Variants in AGPAT1 observed in about 807,000 individuals in gnomAD.
AGPAT1 encodes 1-acyl-sn-glycerol-3-phosphate acyltransferase alpha.
Under a neutral mutation model 31.2 loss-of-function variants are expected in AGPAT1, and 6 were observed. That is an observed-to-expected ratio of 0.19 (90% CI 0.11 to 0.38). The LOEUF (loss-of-function observed/expected upper bound fraction) is 0.38, where lower values mean the gene tolerates loss of function less well. AGPAT1 is among the 10% of genes least tolerant of loss of function. The pLI is 1.00. For missense variants in AGPAT1, 187 were observed against 377.8 expected, an observed-to-expected ratio of 0.49 and a Z score of 4.19; for synonymous variants, 139 against 154.0, an observed-to-expected ratio of 0.90 and a Z score of 0.72.
In AGPAT1 at chr6:32,174,153, C is replaced by G. The variant is rs1785334486; in HGVS notation, c.-10+1661G>C. On this transcript the variant is annotated intron_variant, in intron 1 of 6. Coordinates refer to ENST00000375107, the MANE Select transcript of AGPAT1 (RefSeq NM_006411.4). The surrounding 1 kb of genome is among the most constrained non-coding windows in gnomAD (Gnocchi z 4.5). ...TGTAAGCAGCTTAAGGACAGGGACT[C>G]TGTCTTATCTCCAGTGCCAGGACAA... 6.6e-6 allele frequency among the ~76,000 whole-genome samples: 1 copy of G among 152,206 alleles called. No individual in the cohort carries two copies. Among genetic ancestry groups the G allele is most frequent in the Non-Finnish European group, 1.5e-5 (1 of 68,044 alleles).
Position 32,170,655 on chromosome 6 carries a change from G to A in AGPAT1, c.335-55C>T, listed in dbSNP as rs770198989. 1.3e-6 allele frequency: 2 copies of A among 1,584,652 alleles called. No individual in the cohort carries two copies. The highest frequency in any genetic ancestry group is 1.7e-6 in the Non-Finnish European group (2 of 1,164,484). ...GGGGTGGAGGCAGAGTGTCACAGAA[G>A]GCAACCCACCTCACCCAGCTCATCA... On this transcript the variant is annotated intron_variant, in intron 3 of 6. Coordinates refer to ENST00000375107, the MANE Select transcript of AGPAT1 (RefSeq NM_006411.4). The surrounding 1 kb of genome is among the most constrained non-coding windows in gnomAD (Gnocchi z 7.7).
In AGPAT1 at chr6:32,170,711, A is replaced by G; in HGVS notation, c.335-111T>C. Reference sequence around the variant, plus strand: ...TGGTAGGGACTGGAGGTGAAGGAGGAGACTAGGCAGGGAGGGGGGCCCCAA... The same window carrying G: ...TGGTAGGGACTGGAGGTGAAGGAGGGGACTAGGCAGGGAGGGGGGCCCCAA... On this transcript the variant is annotated intron_variant, in intron 3 of 6. Coordinates refer to ENST00000375107, the MANE Select transcript of AGPAT1 (RefSeq NM_006411.4). The surrounding 1 kb of genome is among the most constrained non-coding windows in gnomAD (Gnocchi z 7.7). The G allele has an allele frequency of 7.0e-7, 1 of 1,422,770 alleles. No individual in the cohort carries two copies. Among genetic ancestry groups the G allele is most frequent in the Non-Finnish European group, 9.7e-7 (1 of 1,026,756 alleles). The allele number at this position is 1,422,770 out of a possible 1,614,324, so 88.1% of individuals were successfully genotyped here.
upstream of AGPAT1, chr6:32,176,504 A>G (rs1785571450): frequency 3.0e-6 from 3 of 985,316 alleles, no homozygotes; most frequent in South Asian, 4.7e-5. Flanking sequence ...TCAAGCATCT[A>G]CCTACCATAT....
chr6:32,174,717 C>G lies in AGPAT1; in HGVS notation c.-10+1097G>C, dbSNP rs1459289657. Among the ~76,000 whole-genome samples the G allele has an allele frequency of 1.3e-5, 2 of 152,054 alleles. No individual in the cohort carries two copies. The highest frequency in any genetic ancestry group is 2.9e-5 in the Non-Finnish European group (2 of 68,004). On this transcript the variant is annotated intron_variant, in intron 1 of 6. Transcript: ENST00000375107. The surrounding 1 kb of genome is among the most constrained non-coding windows in gnomAD (Gnocchi z 4.5). ...GATGGTTCTTTGCAGACCTGGAGAC[C>G]CAGTTACCTTCTTCTCTTAACACTT...
upstream of AGPAT1, chr6:32,176,248 C>T (rs1048430254): frequency 1.4e-6 from 1 of 735,146 alleles, no homozygotes; most frequent in African/African-American, 1.9e-5. Flanking sequence ...AGGGCTCTCC[C>T]TCGGTCTTTG....
Position 32,170,466 on chromosome 6 carries a change from T to G in AGPAT1, c.469A>C (p.Ser157Arg), listed in dbSNP as rs1561845816. 4 of 1,613,026 alleles carry G rather than the reference T, an allele frequency of 2.5e-6. No homozygotes were observed. Among genetic ancestry groups the G allele is most frequent in the Non-Finnish European group, 3.4e-6 (4 of 1,180,042 alleles). ...IDRKRTGDAI[S>R]VMSEVAQTLL... ...GTCTGGGCGACCTCAGACATGACAC[T>G]GATGGCATCCCCCGTGCGCTTCCGG... The change falls in exon 4 of 7, where the codon AGT (serine) becomes CGT (arginine). Residue 157 changes from serine to arginine, a missense_variant. Physicochemically the swap from Ser to Arg is moderately radical, Grantham distance 110. Transcript: ENST00000375107. This position sits in a 1 kb window ranked among gnomAD's most constrained non-coding sequence, Gnocchi z 7.7.
Position 32,170,318 on chromosome 6 carries a change from T to C in AGPAT1, c.511-58A>G. 1 of 1,605,460 alleles carries C rather than the reference T, an allele frequency of 6.2e-7. No homozygotes were observed. Among genetic ancestry groups the C allele is most frequent in the South Asian group, 1.1e-5 (1 of 90,512 alleles). On this transcript the variant is annotated intron_variant, in intron 4 of 6. Transcript: ENST00000375107. This position sits in a 1 kb window ranked among gnomAD's most constrained non-coding sequence, Gnocchi z 7.7. ...ACATATGGAGGAGTCAGAATAGGTG[T>C]GATGTTATAATGGGACCTTTGAGGC...
In AGPAT1 at chr6:32,171,133, C is replaced by T. The variant is rs1379933261; in HGVS notation, c.201-63G>A. 2 of 1,591,364 alleles carry T rather than the reference C, an allele frequency of 1.3e-6. No homozygotes were observed. Among genetic ancestry groups the T allele is most frequent in the African/African-American group, 1.3e-5 (1 of 74,602 alleles). On this transcript the variant is annotated intron_variant, in intron 2 of 6. Coordinates refer to ENST00000375107, the MANE Select transcript of AGPAT1 (RefSeq NM_006411.4). This position sits in a 1 kb window ranked among gnomAD's most constrained non-coding sequence, Gnocchi z 6.9. The stretch of plus-strand genomic sequence containing the variant: ...TGATGTCCATCTGCATGCCTCAGCT[C>T]CCCCCACCTTACTGTCTTTCTGACC...
chr6:32,177,741 T>C (rs1034263008), upstream of AGPAT1: 1 of 152,182 alleles, frequency 6.6e-6, no homozygotes, highest in African/African-American at 2.4e-5. Flanking sequence ...ACCCTAGTGT[T>C]TTCCCTCTTT....
Position 32,173,035 on chromosome 6 carries a change from A to G in AGPAT1, c.-9-1530T>C, listed in dbSNP as rs1785239663. The G allele has an allele frequency of 6.6e-6, 1 of 152,204 alleles. No individual in the cohort carries two copies. Among genetic ancestry groups the G allele is most frequent in the South Asian group, 2.1e-4 (1 of 4,834 alleles). 9.4% of individuals were successfully genotyped at this position (152,204 alleles called of 1,614,324 possible). A position where few individuals can be genotyped will look rare whatever the true frequency, so the allele number is the denominator to read the frequency against. On this transcript the variant is annotated intron_variant, in intron 1 of 6. Coordinates refer to ENST00000375107, the MANE Select transcript of AGPAT1 (RefSeq NM_006411.4). The surrounding 1 kb of genome is among the most constrained non-coding windows in gnomAD (Gnocchi z 4.7). The stretch of plus-strand genomic sequence containing the variant: ...AGTGACACTTTGCGTGGGCAGGTAC[A>G]GTGTGTGAGGCCTCACCAAGTGAAA...
Position 32,169,905 on chromosome 6 carries a change from C to T in AGPAT1, c.679+61G>A, listed in dbSNP as rs1784911968. 1.4e-6 allele frequency: 2 copies of T among 1,458,204 alleles called. No individual in the cohort carries two copies. Among genetic ancestry groups the T allele is most frequent in the African/African-American group, 1.4e-5 (1 of 71,772 alleles). The allele number at this position is 1,458,204 out of a possible 1,614,324, so 90.3% of individuals were successfully genotyped here. ...GACACTGAATGATCCCCCTGCCTCACAGGGATGTCCTCCCAGCCTCTCCGG... is the reference window on the plus strand; with the variant it reads ...GACACTGAATGATCCCCCTGCCTCATAGGGATGTCCTCCCAGCCTCTCCGG... On this transcript the variant is annotated intron_variant, in intron 6 of 6. Transcript: ENST00000375107. This position sits in a 1 kb window ranked among gnomAD's most constrained non-coding sequence, Gnocchi z 5.9.
Position 32,170,669 on chromosome 6 carries a change from C to G in AGPAT1, c.335-69G>C. 1 of 1,553,134 alleles carries G rather than the reference C, an allele frequency of 6.4e-7. No individual in the cohort carries two copies. Among genetic ancestry groups the G allele is most frequent in the Non-Finnish European group, 8.8e-7 (1 of 1,138,500 alleles). ...GTGTCACAGAAGGCAACCCACCTCACCCAGCTCATCACCCTCTGGTAGGGA... is the reference window on the plus strand; with the variant it reads ...GTGTCACAGAAGGCAACCCACCTCAGCCAGCTCATCACCCTCTGGTAGGGA... On this transcript the variant is annotated intron_variant, in intron 3 of 6. Transcript: ENST00000375107. This position sits in a 1 kb window ranked among gnomAD's most constrained non-coding sequence, Gnocchi z 7.7.
Position 32,171,155 on chromosome 6 carries a change from G to T in AGPAT1, c.201-85C>A. 1 of 1,586,760 alleles carries T rather than the reference G, an allele frequency of 6.3e-7. No individual in the cohort carries two copies. Among genetic ancestry groups the T allele is most frequent in the South Asian group, 1.1e-5 (1 of 87,238 alleles). Reference sequence around the variant, plus strand: ...GCTCCCCCCACCTTACTGTCTTTCTGACCACCTTTGCAGTCCTCTCCCCAT... The same window carrying T: ...GCTCCCCCCACCTTACTGTCTTTCTTACCACCTTTGCAGTCCTCTCCCCAT... On this transcript the variant is annotated intron_variant, in intron 2 of 6. Coordinates refer to ENST00000375107, the MANE Select transcript of AGPAT1 (RefSeq NM_006411.4). This position sits in a 1 kb window ranked among gnomAD's most constrained non-coding sequence, Gnocchi z 6.9.
chr6:32,176,276 A>T (rs777877740), upstream of AGPAT1: 2 of 550,432 alleles, frequency 3.6e-6, no homozygotes, highest in Non-Finnish European at 4.6e-6. Flanking sequence ...CTCTGGCTCC[A>T]GCTGCATCTT....
rs1301534053 is a variant in AGPAT1 at position 32,175,822 on chromosome 6, G to A, written c.-18C>T. 2.0e-6 allele frequency: 2 copies of A among 985,706 alleles called. No homozygotes were observed. The highest frequency in any genetic ancestry group is 2.3e-4 in the East Asian group (2 of 8,824). 61.1% of individuals were successfully genotyped at this position (985,706 alleles called of 1,614,324 possible). A position where few individuals can be genotyped will look rare whatever the true frequency, so the allele number is the denominator to read the frequency against. ...CCCTTTCCCGCCCACACCTCAGAGG[G>A]GTAGGGGGCCTGGGGGGCTGGCCCC... On this transcript the variant is annotated 5_prime_UTR_variant, in exon 1 of 7. Coordinates refer to ENST00000375107, the MANE Select transcript of AGPAT1 (RefSeq NM_006411.4). The surrounding 1 kb of genome is among the most constrained non-coding windows in gnomAD (Gnocchi z 4.5).
rs11964847 is a variant in AGPAT1 at position 32,171,409 on chromosome 6, G to A, written c.88C>T (p.Pro30Ser). ...ATCTTGAAGAAGTACTTGGCACTGG[G>A]GCTGCAGAACCACAGGGTGGGCAGC... is the stretch of plus-strand genomic sequence containing the variant. Reference protein sequence around the residue: ...FLLPTLWFCSPSAKYFFKMAF... With the variant: ...FLLPTLWFCSSSAKYFFKMAF... The change falls in exon 2 of 7, where the codon CCC becomes TCC. Residue 30 changes from proline (P) to serine (S), a missense_variant. This residue lies in a region of AGPAT1 where 45 missense variants were observed against 60.9 expected (regional missense o/e 0.74). Transcript: ENST00000375107. The surrounding 1 kb of genome is among the most constrained non-coding windows in gnomAD (Gnocchi z 6.9). 4.2e-4 allele frequency: 670 copies of A among 1,613,184 alleles called. 6 individuals carry two copies. In the African/African-American group the frequency reaches 7.4e-3, roughly 18 times the overall value.
rs972534258 is a variant in AGPAT1, at chr6:32,172,366, A to T, written c.-9-861T>A. On this transcript the variant is annotated intron_variant, in intron 1 of 6. Transcript: ENST00000375107. The surrounding 1 kb of genome is among the most constrained non-coding windows in gnomAD (Gnocchi z 4.3). Reference sequence around the variant, plus strand: ...TGGATGTTATCAGATTCAAGAAAATATATTACTAAAATTAATTTCACTCTT... The same window carrying T: ...TGGATGTTATCAGATTCAAGAAAATTTATTACTAAAATTAATTTCACTCTT... 1.3e-5 allele frequency among the ~76,000 whole-genome samples: 2 copies of T among 152,160 alleles called. No homozygotes were observed. Among genetic ancestry groups the T allele is most frequent in the African/African-American group, 2.4e-5 (1 of 41,444 alleles).
At position 32,170,727 on chromosome 6, in the gene AGPAT1, G is replaced by C. The variant is rs1561846398; in HGVS notation, c.335-127C>G. On this transcript the variant is annotated intron_variant, in intron 3 of 6. Coordinates refer to ENST00000375107, the MANE Select transcript of AGPAT1 (RefSeq NM_006411.4). This position sits in a 1 kb window ranked among gnomAD's most constrained non-coding sequence, Gnocchi z 7.7. ...TGAAGGAGGAGACTAGGCAGGGAGG[G>C]GGGCCCCAAGTGAAGGAAAGGGTGA... 1 of 1,371,516 alleles carries C rather than the reference G, an allele frequency of 7.3e-7. No individual in the cohort carries two copies. Among genetic ancestry groups the C allele is most frequent in the African/African-American group, 1.4e-5 (1 of 70,616 alleles). 85.0% of individuals were successfully genotyped at this position (1,371,516 alleles called of 1,614,324 possible). A position where few individuals can be genotyped will look rare whatever the true frequency, so the allele number is the denominator to read the frequency against.
rs1784982408 is a variant in AGPAT1, at chr6:32,170,427, C to T, written c.508G>A (p.Asp170Asn). The part of the protein sequence containing the change: ...SEVAQTLLTQ[D>N]VRVWVFPEGT... ...CCCATTTCCCCAGGATGACTCACGT[C>T]CTGGGTGAGCAGGGTCTGGGCGACC... Residue 170 changes from aspartate to asparagine, a missense_variant and splice_region_variant, in exon 4 of 7, where the codon GAC becomes AAC. This residue lies in a region of AGPAT1 where 113 missense variants were observed against 283.1 expected (regional missense o/e 0.40). Coordinates refer to ENST00000375107, the MANE Select transcript of AGPAT1 (RefSeq NM_006411.4). This position sits in a 1 kb window ranked among gnomAD's most constrained non-coding sequence, Gnocchi z 7.7. 2 of 1,613,414 alleles carry T rather than the reference C, an allele frequency of 1.2e-6. No individual in the cohort carries two copies. The highest frequency in any genetic ancestry group is 1.3e-5 in the African/African-American group (1 of 74,926).
Sources: allele counts gnomAD v4.1 joint callset (sites outside exome capture counted in the v4.1 genomes callset), GRCh38; gene constraint gnomAD v4.1.1; regional missense constraint gnomAD v4.1.1; non-coding constraint Gnocchi (gnomAD v3.1); transcripts MANE v1.5; gene names NCBI Gene and HGNC (gene_info 2026-07-23, HGNC 2026-07-21).